The following LRRC7 variants were observed in gnomAD, a reference collection of about 807,000 sequenced individuals.
The protein encoded by LRRC7 is leucine rich repeat containing 7, also known as leucine-rich repeat-containing protein 7.
In LRRC7, 23 loss-of-function variants were observed where a neutral mutation model predicts 175.7. The observed-to-expected ratio is 0.13, with a 90% CI of 0.09 to 0.19. LRRC7 has a LOEUF of 0.19. Among genes scored for constraint, LRRC7 ranks in the 10% least tolerant of loss-of-function variants. The probability of loss-of-function intolerance (pLI) is 1.00; values close to 1 mark genes in which losing one functional copy is unlikely to be tolerated. For synonymous variants in LRRC7, 685 were observed against 680.9 expected, an observed-to-expected ratio of 1.01 and a Z score of -0.09; for missense variants, 1,354 against 1,904.7, an observed-to-expected ratio of 0.71 and a Z score of 5.38.
At chr1:69,765,892 C>T (rs1671571273) in intron 3 of LRRC7, among the ~76,000 whole-genome samples, 1 of 151,912 alleles carries the variant, frequency 6.6e-6, no homozygotes, top group Non-Finnish European at 1.5e-5. Context: ...TTAGATATTG[C>T]ATTATCAAAT....
rs1557641435 is a variant in LRRC7 at position 69,717,843 on chromosome 1, AAGAAAGAAAG to A, written c.100+39366_100+39375del. On this transcript the variant is annotated intron_variant, in intron 2 of 26. Transcript: ENST00000651989. ...GAAAGAAAGAAAGAAAGAAAGAAAA[AAGAAAGAAAG>A]GAAAGAAAGAAAGAAAGAAAGAAAG... 2.6e-4 allele frequency among the ~76,000 whole-genome samples: 11 copies of A among 41,750 alleles called. 1 individual carries two copies. The highest frequency in any genetic ancestry group is 1.3e-3 in the African/African-American group (10 of 7,774). 27.4% of individuals were successfully genotyped at this position (41,750 alleles called of 152,430 possible). A position where few individuals can be genotyped will look rare whatever the true frequency, so the allele number is the denominator to read the frequency against.
At chr1:69,947,621 A>G (rs918627104) in intron 8 of LRRC7, among the ~76,000 whole-genome samples, 3 of 151,924 alleles carry the variant, frequency 2.0e-5, no homozygotes, top group Admixed American at 1.3e-4. Context: ...ACTTATTTTT[A>G]TAGTTATATT....
chr1:69,908,120 T>C (rs549810724), intron 7 of LRRC7, among the ~76,000 whole-genome samples: 6 of 152,354 alleles, frequency 3.9e-5, no homozygotes, highest in African/African-American at 7.2e-5. Context: ...GCCTTTATCA[T>C]TTTTTATTGC....
chr1:70,032,122 C>A (rs868822398), intron 18 of LRRC7, among the ~76,000 whole-genome samples: 5 of 152,098 alleles, frequency 3.3e-5, no homozygotes, highest in African/African-American at 1.2e-4. Flanking sequence ...AAAGAATGTG[C>A]GATCTAATGT....
chr1:69,926,357 T>G (rs1487540050), intron 7 of LRRC7, among the ~76,000 whole-genome samples: 1 of 131,186 alleles, frequency 7.6e-6, no homozygotes. Context: ...AATTCCTGGG[T>G]ATCCTTGTTA....
At chr1:70,034,544 A>G (rs1659106921) in intron 18 of LRRC7, among the ~76,000 whole-genome samples, 1 of 151,698 alleles carries the variant, frequency 6.6e-6, no homozygotes, top group Non-Finnish European at 1.5e-5. Context: ...TTTCCATTCT[A>G]CTCCTTTTCC....
chr1:69,952,190 A>G (rs567784144), intron 8 of LRRC7, among the ~76,000 whole-genome samples: 2 of 152,194 alleles, frequency 1.3e-5, no homozygotes, highest in South Asian at 4.1e-4. Flanking sequence ...TTTCTGAACA[A>G]TTGAACCAAA....
chr1:69,687,696 C>G (rs943027210), intron 2 of LRRC7, among the ~76,000 whole-genome samples: 3 of 150,108 alleles, frequency 2.0e-5, no homozygotes, highest in Non-Finnish European at 3.0e-5. Context: ...CAGAAATTCA[C>G]TGAAGGGTTT....
intron 1 of LRRC7, among the ~76,000 whole-genome samples, chr1:69,627,169 A>T (rs1358370368): frequency 1.3e-5 from 2 of 152,128 alleles, no homozygotes; most frequent in Non-Finnish European, 2.9e-5. Flanking sequence ...ATAATGGTTG[A>T]ACTAGTTTAC....
intron 7 of LRRC7, among the ~76,000 whole-genome samples, chr1:69,905,486 C>T (rs1646272915): frequency 6.6e-6 from 1 of 152,120 alleles, no homozygotes; most frequent in African/African-American, 2.4e-5. Flanking sequence ...CAATTCCCAC[C>T]TATGAGTGAG....
At chr1:69,857,779 C>G (rs1342042201) in intron 7 of LRRC7, among the ~76,000 whole-genome samples, 2 of 152,020 alleles carry the variant, frequency 1.3e-5, no homozygotes, top group Non-Finnish European at 2.9e-5. Flanking sequence ...TCATATGGAA[C>G]CAAAAAAGAG....
intron 1 of LRRC7, among the ~76,000 whole-genome samples, chr1:69,675,790 C>T (rs999791368): frequency 2.0e-5 from 3 of 151,850 alleles, no homozygotes; most frequent in Non-Finnish European, 2.9e-5. Context: ...CTTCACCCCG[C>T]CCCCCACACG....
chr1:70,089,904 T>G (rs1179763266), intron 25 of LRRC7, 85 bp downstream of exon 25: 3 of 1,025,388 alleles, frequency 2.9e-6, no homozygotes, highest in South Asian at 1.5e-5. Context: ...AATTCAAGTG[T>G]TTTTGTTGTG....
intron 2 of LRRC7, among the ~76,000 whole-genome samples, chr1:69,713,346 T>A (rs961304430): frequency 6.6e-6 from 1 of 151,706 alleles, no homozygotes; most frequent in Non-Finnish European, 1.5e-5. Flanking sequence ...ATATATATAT[T>A]TAGACAGGTG....
At chr1:70,025,770 G>A (rs2101987782) in intron 17 of LRRC7, among the ~76,000 whole-genome samples, 1 of 147,766 alleles carries the variant, frequency 6.8e-6, no homozygotes, top group South Asian at 2.2e-4. Context: ...GAGAAGCAAG[G>A]AGCTTATTTT....
At chr1:69,857,262 A>G (rs1335293506) in intron 7 of LRRC7, among the ~76,000 whole-genome samples, 1 of 152,196 alleles carries the variant, frequency 6.6e-6, no homozygotes, top group Non-Finnish European at 1.5e-5. Context: ...AATTCTGGCC[A>G]GGGCAATCAG....
intron 1 of LRRC7, among the ~76,000 whole-genome samples, chr1:69,663,713 T>G (rs1468910365): frequency 3.3e-5 from 4 of 123,020 alleles, no homozygotes; most frequent in Non-Finnish European, 5.1e-5. Flanking sequence ...TTTTTTTTTT[T>G]TTTTTTTTTT....
At chr1:69,911,754 G>A (rs1206387019) in intron 7 of LRRC7, among the ~76,000 whole-genome samples, 2 of 152,126 alleles carry the variant, frequency 1.3e-5, no homozygotes, top group Non-Finnish European at 2.9e-5. Flanking sequence ...AATAGCCATG[G>A]CTACTTTGGC....
chr1:69,689,423 T>C (rs1661570535), intron 2 of LRRC7, among the ~76,000 whole-genome samples: 1 of 149,762 alleles, frequency 6.7e-6, no homozygotes, highest in South Asian at 2.1e-4. Flanking sequence ...CTCTCTGGAA[T>C]TCATCTTCTG....
Sources: gnomAD v4.1 joint callset for allele counts (sites outside exome capture counted in the v4.1 genomes callset) on GRCh38, gnomAD v4.1.1 for gene constraint, MANE v1.5 for transcripts, NCBI Gene and HGNC (gene_info 2026-07-23, HGNC 2026-07-21) for gene names.